ASCC3: variants seen among roughly 807,000 people sequenced by gnomAD.
ASCC3 encodes activating signal cointegrator 1 complex subunit 3.
ASCC3 carries 158 observed loss-of-function variants against 256.3 expected under a neutral mutation model. The ratio of observed to expected loss-of-function variants is 0.62; its 90% confidence interval spans 0.54 to 0.70. The LOEUF is 0.70. Among genes scored for constraint, ASCC3 ranks in the 30% least tolerant of loss-of-function variants. The pLI, the probability that ASCC3 is intolerant of heterozygous loss-of-function variation, is 0.00. For synonymous variants in ASCC3, 948 were observed against 883.4 expected (o/e 1.07, Z -1.30); for missense variants, 2,259 against 2,626.0 (o/e 0.86, Z 3.05).
At chr6:100,577,065 A>G (rs1770908716) in intron 36 of ASCC3, among the ~76,000 whole-genome samples, 1 of 151,820 alleles carries the variant, frequency 6.6e-6, no homozygotes, top group Non-Finnish European at 1.5e-5. Context: ...AAGAATAAAA[A>G]TATTCCTAAA....
At chr6:100,566,120 A>T (rs1326030655) in intron 36 of ASCC3, among the ~76,000 whole-genome samples, 1 of 152,140 alleles carries the variant, frequency 6.6e-6, no homozygotes, top group African/African-American at 2.4e-5. Flanking sequence ...GCACAACACA[A>T]AACAAAAACC....
At chr6:100,756,583 G>T (rs1187203960) in intron 10 of ASCC3, among the ~76,000 whole-genome samples, 1 of 151,964 alleles carries the variant, frequency 6.6e-6, no homozygotes, top group Non-Finnish European at 1.5e-5. Context: ...AAAAAGATGA[G>T]AAAATATTTA....
chr6:100,663,565 G>A (rs1776329446), intron 14 of ASCC3, among the ~76,000 whole-genome samples: 1 of 152,080 alleles, frequency 6.6e-6, no homozygotes, highest in African/African-American at 2.4e-5. Context: ...CACAACATTA[G>A]TGATGCTGGC....
chr6:100,683,551 TA>T (rs1181496641), intron 13 of ASCC3, among the ~76,000 whole-genome samples: 1 of 152,162 alleles, frequency 6.6e-6, no homozygotes, highest in African/African-American at 2.4e-5. Flanking sequence ...TATGGTTTGC[TA>T]ATTTGGTTAA....
chr6:100,754,210 A>AT (rs1420603247), intron 10 of ASCC3, among the ~76,000 whole-genome samples: 1 of 152,222 alleles, frequency 6.6e-6, no homozygotes, highest in African/African-American at 2.4e-5. Flanking sequence ...ACAAGAAATT[A>AT]TAAGTGTTGA....
intron 14 of ASCC3, among the ~76,000 whole-genome samples, chr6:100,670,978 G>A (rs1776716077): frequency 6.6e-6 from 1 of 151,944 alleles, no homozygotes. Context: ...ATATTATACA[G>A]TTGCAAAAAG....
chr6:100,792,854 A>G (rs1196866257), intron 8 of ASCC3, among the ~76,000 whole-genome samples: 1 of 151,982 alleles, frequency 6.6e-6, no homozygotes, highest in East Asian at 1.9e-4. Flanking sequence ...GTTGCATGAG[A>G]AAATTAATAA....
chr6:100,854,569 A>G (rs1772846730), intron 3 of ASCC3, among the ~76,000 whole-genome samples: 1 of 152,220 alleles, frequency 6.6e-6, no homozygotes, highest in Non-Finnish European at 1.5e-5. Flanking sequence ...AAAGATTAAA[A>G]ATAGTTCAAG....
intron 36 of ASCC3, among the ~76,000 whole-genome samples, chr6:100,586,145 T>C (rs913371857): frequency 6.6e-6 from 1 of 152,216 alleles, no homozygotes; most frequent in African/African-American, 2.4e-5. Flanking sequence ...TCTGCAGACG[T>C]TACTGCTATC....
chr6:100,536,390 A>G (rs1393433814), intron 37 of ASCC3, among the ~76,000 whole-genome samples: 2 of 152,192 alleles, frequency 1.3e-5, no homozygotes, highest in Non-Finnish European at 2.9e-5. Context: ...ATAAATACAA[A>G]TGTCTGTGTA....
intron 1 of ASCC3, among the ~76,000 whole-genome samples, chr6:100,871,329 C>T (rs1265112139): frequency 1.3e-5 from 2 of 152,126 alleles, no homozygotes; most frequent in African/African-American, 4.8e-5. Flanking sequence ...CTCCTGACCT[C>T]GTGATCCGCC....
intron 10 of ASCC3, among the ~76,000 whole-genome samples, chr6:100,734,217 C>A (rs796396480): frequency 1.4e-4 from 21 of 152,180 alleles, no homozygotes; most frequent in African/African-American, 5.1e-4. Context: ...GAAGGGGATT[C>A]TCATTATTTG....
intron 8 of ASCC3, among the ~76,000 whole-genome samples, chr6:100,769,132 C>T (rs1355705830): frequency 1.3e-5 from 2 of 151,962 alleles, no homozygotes; most frequent in South Asian, 2.1e-4. Context: ...AAAGAAGATA[C>T]CACATGATCT....
chr6:100,583,522 T>A (rs1156569024), intron 36 of ASCC3, among the ~76,000 whole-genome samples: 1 of 152,174 alleles, frequency 6.6e-6, no homozygotes, highest in Non-Finnish European at 1.5e-5. Context: ...ATTTTGTTGA[T>A]CCTTTCCAAA....
intron 14 of ASCC3, among the ~76,000 whole-genome samples, chr6:100,678,386 T>C (rs750081942): frequency 5.3e-5 from 8 of 152,048 alleles, no homozygotes; most frequent in Non-Finnish European, 8.8e-5. Flanking sequence ...AACTGTACAA[T>C]CTGTACAATA....
chr6:100,616,054 T>C (rs1773650511), intron 30 of ASCC3, among the ~76,000 whole-genome samples: 1 of 152,214 alleles, frequency 6.6e-6, no homozygotes, highest in African/African-American at 2.4e-5. Context: ...TTTAAAACAA[T>C]TTCAAAATCC....
At chr6:100,538,072 AACTG>A (rs1314789233) in intron 37 of ASCC3, among the ~76,000 whole-genome samples, 1 of 152,062 alleles carries the variant, frequency 6.6e-6, no homozygotes, top group Non-Finnish European at 1.5e-5. Context: ...TGAATCAATG[AACTG>A]ATCACGCAAT....
chr6:100,586,707 T>G (rs1024956721), intron 36 of ASCC3, among the ~76,000 whole-genome samples: 2 of 152,174 alleles, frequency 1.3e-5, no homozygotes, highest in African/African-American at 4.8e-5. Context: ...ACCTGAGCTG[T>G]TCCTATTCGG....
chr6:100,569,717 G>C (rs1770487628), intron 36 of ASCC3, among the ~76,000 whole-genome samples: 1 of 152,166 alleles, frequency 6.6e-6, no homozygotes, highest in Admixed American at 6.5e-5. Context: ...CAGGTAATGT[G>C]ATGACTCTGG....
Sources: gnomAD v4.1 joint callset for allele counts (sites outside exome capture counted in the v4.1 genomes callset) on GRCh38, gnomAD v4.1.1 for gene constraint, MANE v1.5 for transcripts, NCBI Gene and HGNC (gene_info 2026-07-23, HGNC 2026-07-21) for gene names.